RHBDL2: variants seen among roughly 807,000 people sequenced by gnomAD.
RHBDL2 encodes the protein rhomboid-related protein 2.
A neutral mutation model predicts 31.7 loss-of-function variants in RHBDL2; 26 were observed. The ratio of observed to expected loss-of-function variants is 0.82; its 90% confidence interval spans 0.60 to 1.14. The LOEUF (loss-of-function observed/expected upper bound fraction) is 1.14. Among genes scored for constraint, RHBDL2 ranks in the 50% most tolerant of loss-of-function variants. RHBDL2 has a pLI of 0.00. For missense variants in RHBDL2, 336 were observed against 364.4 expected, an observed-to-expected ratio of 0.92 and a Z score of 0.63; for synonymous variants, 123 against 127.2, an observed-to-expected ratio of 0.97 and a Z score of 0.22.
At chr1:38,890,154 C>T (rs1642836742) in intron 6 of RHBDL2, among the ~76,000 whole-genome samples, 1 of 151,988 alleles carries the variant, frequency 6.6e-6, no homozygotes, top group South Asian at 2.1e-4. Flanking sequence ...TCTCCTGCCT[C>T]AGCCTCCTGA....
chr1:38,923,301 T>C (rs766314910), intron 1 of RHBDL2, among the ~76,000 whole-genome samples: 1 of 152,184 alleles, frequency 6.6e-6, no homozygotes, highest in Non-Finnish European at 1.5e-5. Flanking sequence ...CAATGGTATA[T>C]TACAAGGATA....
chr1:38,925,974 C>A, intron 1 of RHBDL2: 1 of 1,270,674 alleles, frequency 7.9e-7, no homozygotes, highest in Non-Finnish European at 1.0e-6. Flanking sequence ...AGTGTTGAAT[C>A]TGCAAATGTC....
At position 38,910,753 on chromosome 1, in the gene RHBDL2, C is replaced by CTTTTTTTTTTTTTTT. The variant is rs765064879; in HGVS notation, c.508+554_508+568dup. ...ACTTGCAGTTTTCTTTATTCCTTTT[C>CTTTTTTTTTTTTTTT]TTTTTTTTTTTTTTTTTTTTGTTTG... On this transcript the variant is annotated intron_variant, in intron 4 of 7. Coordinates refer to ENST00000372990, the MANE Select transcript of RHBDL2 (RefSeq NM_017821.5). Among the ~76,000 whole-genome samples, 19 of 111,026 alleles carry CTTTTTTTTTTTTTTT rather than the reference C, an allele frequency of 1.7e-4. 1 individual carries two copies. The highest frequency in any genetic ancestry group is 3.7e-4 in the African/African-American group (10 of 27,216). 72.8% of individuals were successfully genotyped at this position (111,026 alleles called of 152,430 possible).
At chr1:38,907,260 C>T (rs1643078261) in intron 4 of RHBDL2, among the ~76,000 whole-genome samples, 1 of 152,230 alleles carries the variant, frequency 6.6e-6, no homozygotes, top group Non-Finnish European at 1.5e-5. Flanking sequence ...AAAGTAAAGG[C>T]CAGGTGCAGT....
chr1:38,906,244 T>C (rs1308960319), intron 4 of RHBDL2, among the ~76,000 whole-genome samples: 1 of 152,020 alleles, frequency 6.6e-6, no homozygotes, highest in Non-Finnish European at 1.5e-5. Context: ...GGCATATAGA[T>C]TGGAAAGGAA....
rs189179885 is a variant in RHBDL2, at chr1:38,928,665, C to T, written c.-125-9328G>A. Among the ~76,000 whole-genome samples, 319 of 152,072 alleles carry T rather than the reference C, an allele frequency of 2.1e-3. 1 individual carries two copies. Among genetic ancestry groups the T allele is most frequent in the Non-Finnish European group, 2.2e-3 (147 of 67,990 alleles). On this transcript the variant is annotated intron_variant, in intron 1 of 7. Transcript: ENST00000372990. ...TTCTCCATGTTGGTCAGGCTGATCT[C>T]GAACTCCCTACCTCAGGTGATCCAC...
chr1:38,928,509 C>T lies in RHBDL2; in HGVS notation c.-125-9172G>A, dbSNP rs1161403795. ...TTGCCCAGACTGGAGTGCAATGGCA[C>T]GATCTTGGCTCACCACAACCTCCAC... On this transcript the variant is annotated intron_variant, in intron 1 of 7. Coordinates refer to ENST00000372990, the MANE Select transcript of RHBDL2 (RefSeq NM_017821.5). Among the ~76,000 whole-genome samples the T allele has an allele frequency of 7.9e-5, 12 of 151,388 alleles. 1 individual carries two copies. The highest frequency in any genetic ancestry group is 3.3e-4 in the Admixed American group (5 of 15,166).
chr1:38,931,521 C>CAA (rs201157232), intron 1 of RHBDL2, among the ~76,000 whole-genome samples: 5 of 131,210 alleles, frequency 3.8e-5, no homozygotes, highest in Admixed American at 1.6e-4. Flanking sequence ...GACTCCGTCT[C>CAA]AAAAAAAAAA....
intron 4 of RHBDL2, among the ~76,000 whole-genome samples, 177 bp from the exon 5 acceptor site, chr1:38,896,246 G>A (rs559692492): frequency 6.2e-4 from 95 of 152,158 alleles, no homozygotes; most frequent in Non-Finnish European, 1.1e-3. Flanking sequence ...CTACCACAGT[G>A]TTTCTGAAAA....
intron 4 of RHBDL2, among the ~76,000 whole-genome samples, chr1:38,898,790 T>C (rs1642949900): frequency 6.6e-6 from 1 of 152,112 alleles, no homozygotes; most frequent in Non-Finnish European, 1.5e-5. Context: ...GAAAGGAGCA[T>C]GCAAGGAAAT....
At chr1:38,917,400 G>A (rs1643253283) in intron 2 of RHBDL2, among the ~76,000 whole-genome samples, 2 of 152,228 alleles carry the variant, frequency 1.3e-5, no homozygotes, top group South Asian at 2.1e-4. Flanking sequence ...TTAAAAATTG[G>A]TCTTTCTGTG....
intron 4 of RHBDL2, among the ~76,000 whole-genome samples, chr1:38,906,412 T>C (rs1376567348): frequency 1.3e-5 from 2 of 151,760 alleles, no homozygotes; most frequent in African/African-American, 4.8e-5. Context: ...CAGTGGCTCA[T>C]CCCTGTAATC....
chr1:38,918,949 A>G lies in RHBDL2; in HGVS notation c.246+18T>C. On this transcript the variant is annotated intron_variant, in intron 2 of 7. Transcript: ENST00000372990. ...CCCCATGCCACTTACCCCGGTGCCC[A>G]CCCCGCTCCCCATTCACCTCGGCCA... 1.2e-6 allele frequency: 2 copies of G among 1,604,526 alleles called. No individual in the cohort carries two copies. The highest frequency in any genetic ancestry group is 1.7e-6 in the Non-Finnish European group (2 of 1,173,596).
chr1:38,910,195 G>C (rs1643121184), intron 4 of RHBDL2, among the ~76,000 whole-genome samples: 1 of 152,186 alleles, frequency 6.6e-6, no homozygotes, highest in Non-Finnish European at 1.5e-5. Flanking sequence ...AGAGGTAAAG[G>C]AGGGTGGGAC....
At chr1:38,913,843 G>C (rs771245718) in intron 3 of RHBDL2, among the ~76,000 whole-genome samples, 1 of 152,206 alleles carries the variant, frequency 6.6e-6, no homozygotes, top group African/African-American at 2.4e-5. Flanking sequence ...AGGCGGCCGG[G>C]CACAGTGGCT....
chr1:38,909,377 A>G (rs1241600856), intron 4 of RHBDL2, among the ~76,000 whole-genome samples: 1 of 152,080 alleles, frequency 6.6e-6, no homozygotes, highest in Non-Finnish European at 1.5e-5. Context: ...CCAAATGCTG[A>G]ATCTGAATCA....
intron 4 of RHBDL2, 127 bp from the exon 5 acceptor site, chr1:38,896,196 T>A: frequency 1.5e-6 from 1 of 678,434 alleles, no homozygotes; most frequent in Non-Finnish European, 2.5e-6. Flanking sequence ...AAATCTATTT[T>A]GCCCCTTTCA....
At chr1:38,912,462 T>C (rs188296441) in intron 3 of RHBDL2, among the ~76,000 whole-genome samples, 87 of 151,874 alleles carry the variant, frequency 5.7e-4, no homozygotes, top group African/African-American at 2.0e-3. Context: ...TAGAGTGCAG[T>C]GTCTCGATTT....
At chr1:38,889,596 G>A (rs139448190) in intron 6 of RHBDL2, among the ~76,000 whole-genome samples, 100 of 152,148 alleles carry the variant, frequency 6.6e-4, no homozygotes, top group African/African-American at 2.3e-3. Context: ...AATTACCATC[G>A]GGAGTTCTGA....
Sources: allele counts gnomAD v4.1 joint callset (sites outside exome capture counted in the v4.1 genomes callset), GRCh38; gene constraint gnomAD v4.1.1; transcripts MANE v1.5; gene names NCBI Gene and HGNC (gene_info 2026-07-23, HGNC 2026-07-21).